Variants in RCL1 observed in about 807,000 individuals in gnomAD.
RCL1 encodes RNA 3'-terminal phosphate cyclase-like protein.
A neutral mutation model predicts 42.4 loss-of-function variants in RCL1; 24 were observed. That is an observed-to-expected ratio of 0.57 (90% CI 0.41 to 0.80). The LOEUF is 0.80. RCL1 is among the 30% of genes least tolerant of loss of function. The probability of loss-of-function intolerance (pLI) is 0.00; values close to 1 mark genes in which losing one functional copy is unlikely to be tolerated. For synonymous variants in RCL1, 228 were observed against 177.3 expected, an observed-to-expected ratio of 1.29 and a Z score of -2.27; for missense variants, 578 against 467.9, an observed-to-expected ratio of 1.24 and a Z score of -2.17.
In RCL1 at chr9:4,826,992, A is replaced by G. The variant is rs1157342677; in HGVS notation, c.343A>G (p.Ile115Val). ...TCCATTTATGAAGCACCCGTTAAAA[A>G]TAGTTCTACGAGGAGTGACCAATGA... ...LAPFMKHPLKIVLRGVTNDQV... is the reference protein window; with the variant it reads ...LAPFMKHPLKVVLRGVTNDQV... The change falls in exon 3 of 9, where the codon ATA becomes GTA. Residue 115 changes from isoleucine (I) to valine (V), a missense_variant. By Grantham distance (29) the Ile-to-Val change is conservative. Transcript: ENST00000381750. 1.2e-6 allele frequency: 2 copies of G among 1,614,194 alleles called. No homozygotes were observed. The highest frequency in any genetic ancestry group is 1.7e-5 in the Admixed American group (1 of 60,032).
chr9:4,801,269 G>T (rs148555320), intron 1 of RCL1, among the ~76,000 whole-genome samples: 4 of 152,154 alleles, frequency 2.6e-5, no homozygotes, highest in Admixed American at 6.5e-5. Context: ...CTTCCTGGGC[G>T]TAAGCAAATC....
At chr9:4,818,374 A>T (rs1816470516) in intron 1 of RCL1, among the ~76,000 whole-genome samples, 1 of 152,044 alleles carries the variant, frequency 6.6e-6, no homozygotes, top group African/African-American at 2.4e-5. Flanking sequence ...GGTTCTTTAC[A>T]TTAAAATATT....
intron 8 of RCL1, among the ~76,000 whole-genome samples, chr9:4,849,834 C>G (rs1250610950): frequency 6.6e-6 from 1 of 152,138 alleles, no homozygotes; most frequent in Non-Finnish European, 1.5e-5. Flanking sequence ...TAGAGGTAAA[C>G]TCCTGGTTTG....
chr9:4,820,690 T>C (rs1433875635), intron 1 of RCL1, among the ~76,000 whole-genome samples: 1 of 152,216 alleles, frequency 6.6e-6, no homozygotes, highest in African/African-American at 2.4e-5. Context: ...TTTGAACAAA[T>C]CAAGGGCTTT....
intron 2 of RCL1, 39 bp downstream of exon 2, chr9:4,823,658 C>CTAAA (rs1323361936): frequency 2.2e-6 from 3 of 1,359,698 alleles, no homozygotes; most frequent in African/African-American, 1.5e-5. Context: ...CCTCCATGCA[C>CTAAA]TAAAGCATTC....
chr9:4,813,178 T>C (rs907357808), intron 1 of RCL1, among the ~76,000 whole-genome samples: 2 of 152,130 alleles, frequency 1.3e-5, no homozygotes, highest in African/African-American at 4.8e-5. Flanking sequence ...CTTTAAAATT[T>C]CCCCCATTTG....
intron 1 of RCL1, among the ~76,000 whole-genome samples, chr9:4,798,616 T>A (rs1388607641): frequency 6.6e-6 from 1 of 152,256 alleles, no homozygotes; most frequent in Non-Finnish European, 1.5e-5. Flanking sequence ...CATGTTTTGG[T>A]AAACCAGTGC....
Position 4,860,258 on chromosome 9 carries a change from A to G in RCL1, c.1105A>G (p.Ser369Gly). ...TGTTGGCATTGGTTTCTCCAACCTT[A>G]GCAAGACCCTCAAGTGATAACCATC... ...TCVGIGFSNL[S>G]KTLK The change falls in exon 9 of 9, where the codon AGC (serine) becomes GGC (glycine). Residue 369 changes from serine to glycine, a missense_variant. Physicochemically the swap from Ser to Gly is moderately conservative, Grantham distance 56. Transcript: ENST00000381750. The G allele has an allele frequency of 4.3e-6, 7 of 1,613,554 alleles. No homozygotes were observed. The highest frequency in any genetic ancestry group is 5.9e-6 in the Non-Finnish European group (7 of 1,179,816).
At chr9:4,810,181 T>C (rs1041167718) in intron 1 of RCL1, among the ~76,000 whole-genome samples, 3 of 152,210 alleles carry the variant, frequency 2.0e-5, no homozygotes, top group Admixed American at 6.5e-5. Flanking sequence ...TTCATTTTTT[T>C]AAGTAAATTT....
intron 1 of RCL1, among the ~76,000 whole-genome samples, chr9:4,797,314 A>G (rs1450539275): frequency 2.0e-5 from 3 of 152,246 alleles, no homozygotes; most frequent in African/African-American, 7.2e-5. Flanking sequence ...CCCACTGGGT[A>G]TAGGTCTGCT....
At chr9:4,814,293 T>A (rs545369737) in intron 1 of RCL1, among the ~76,000 whole-genome samples, 8 of 150,658 alleles carry the variant, frequency 5.3e-5, no homozygotes, top group South Asian at 2.1e-4. Flanking sequence ...TTTAAAAAAA[T>A]TTTTTTTAGA....
At chr9:4,832,165 G>C (rs1587717038) in intron 3 of RCL1, among the ~76,000 whole-genome samples, 4 of 152,338 alleles carry the variant, frequency 2.6e-5, no homozygotes, top group Admixed American at 2.6e-4. Context: ...GGATCAGAAA[G>C]ACCCCAGACT....
At chr9:4,809,550 C>T (rs921702830) in intron 1 of RCL1, among the ~76,000 whole-genome samples, 5 of 152,120 alleles carry the variant, frequency 3.3e-5, no homozygotes, top group African/African-American at 4.8e-5. Flanking sequence ...CCTTGTGATT[C>T]GCCCGCCTCG....
chr9:4,827,987 C>T (rs973135722), intron 3 of RCL1, among the ~76,000 whole-genome samples: 1 of 151,948 alleles, frequency 6.6e-6, no homozygotes, highest in African/African-American at 2.4e-5. Flanking sequence ...GAGATCGAGA[C>T]CAGCCTGGCT....
chr9:4,823,460 C>G lies in RCL1; in HGVS notation c.137-88C>G, dbSNP rs189071134. On this transcript the variant is annotated intron_variant, in intron 1 of 8. Coordinates refer to ENST00000381750, the MANE Select transcript of RCL1 (RefSeq NM_005772.5). Reference sequence around the variant, plus strand: ...AAGTAACCTGCCCTCTACCACAGTACCTGAATCAGGCATGTGCTCTGGAAA... The same window carrying G: ...AAGTAACCTGCCCTCTACCACAGTAGCTGAATCAGGCATGTGCTCTGGAAA... 4.2e-4 allele frequency: 424 copies of G among 1,009,496 alleles called. 4 individuals are homozygous for G. In the Middle Eastern group the frequency reaches 7.9e-3, roughly 19 times the overall value. The allele number at this position is 1,009,496 out of a possible 1,614,324, so 62.5% of individuals were successfully genotyped here.
chr9:4,844,709 G>A, intron 7 of RCL1, 28 bp downstream of exon 7: 2 of 1,592,836 alleles, frequency 1.3e-6, no homozygotes, highest in South Asian at 1.1e-5. Flanking sequence ...TCTGATAGAG[G>A]AGTGACCAGG....
At chr9:4,844,079 T>C (rs970679888) in intron 6 of RCL1, among the ~76,000 whole-genome samples, 2 of 152,200 alleles carry the variant, frequency 1.3e-5, no homozygotes, top group African/African-American at 4.8e-5. Flanking sequence ...TGAGCTCATA[T>C]AGTGCATTCG....
chr9:4,838,037 C>T (rs969560128), intron 5 of RCL1, among the ~76,000 whole-genome samples: 1 of 152,206 alleles, frequency 6.6e-6, no homozygotes, highest in African/African-American at 2.4e-5. Context: ...GAATGGAGAT[C>T]GCCCTCTTCT....
At chr9:4,846,113 A>G (rs1762444090) in intron 7 of RCL1, among the ~76,000 whole-genome samples, 1 of 152,222 alleles carries the variant, frequency 6.6e-6, no homozygotes, top group South Asian at 2.1e-4. Flanking sequence ...AGTGGAAAAC[A>G]GCTTATATTT....
Sources: allele counts gnomAD v4.1 joint callset (sites outside exome capture counted in the v4.1 genomes callset), GRCh38; gene constraint gnomAD v4.1.1; transcripts MANE v1.5; gene names NCBI Gene and HGNC (gene_info 2026-07-23, HGNC 2026-07-21).